ZNF274: variants seen among roughly 807,000 people sequenced by gnomAD.
ZNF274 encodes the protein neurotrophin receptor-interacting factor homolog.
In ZNF274, 23 loss-of-function variants were observed where a neutral mutation model predicts 42.5. The ratio of observed to expected loss-of-function variants is 0.54; its 90% CI spans 0.39 to 0.77. The LOEUF is 0.77. ZNF274 is among the 30% of genes least tolerant of loss of function. The pLI is 0.00. For synonymous variants in ZNF274, 292 were observed against 305.4 expected (o/e 0.96, Z 0.46); for missense variants, 679 against 806.5 (o/e 0.84, Z 1.91).
At chr19:58,203,017 T>G (rs2075932528) in intron 4 of ZNF274, among the ~76,000 whole-genome samples, 1 of 152,170 alleles carries the variant, frequency 6.6e-6, no homozygotes, top group African/African-American at 2.4e-5. Flanking sequence ...CAACAGTTGT[T>G]TTCCTAGGGG....
chr19:58,187,085 C>A, intron 4 of ZNF274, 43 bp downstream of exon 4: 1 of 1,516,102 alleles, frequency 6.6e-7, no homozygotes, highest in Non-Finnish European at 9.1e-7. Context: ...AAGGGGCCAA[C>A]TGATGAGTCA....
chr19:58,191,662 G>A (rs2075780135), intron 4 of ZNF274, among the ~76,000 whole-genome samples: 1 of 152,230 alleles, frequency 6.6e-6, no homozygotes, highest in Non-Finnish European at 1.5e-5. Flanking sequence ...CAGATTCAGG[G>A]TGGTGTCCCA....
intron 2 of ZNF274, chr19:58,184,321 C>G (rs1158369639): frequency 2.4e-5 from 6 of 251,932 alleles, no homozygotes; most frequent in Non-Finnish European, 4.7e-5. Context: ...ATGGAGTCTC[C>G]CTCTGTCGCC....
rs775742516 is a variant in ZNF274, at chr19:58,206,944, C to T, written c.481C>T (p.Arg161Cys). The T allele has an allele frequency of 1.1e-5, 17 of 1,611,524 alleles. No homozygotes were observed. Among genetic ancestry groups the T allele is most frequent in the East Asian group, 2.2e-5 (1 of 44,834 alleles). Residue 161 changes from arginine to cysteine, a missense_variant, in exon 5 of 8, where the codon CGC (arginine) becomes TGC (cysteine). Physicochemically the swap from Arg to Cys is radical, Grantham distance 180. Around this residue, in one of 2 missense-constraint regions of ZNF274, gnomAD observed 223 missense variants for 216.4 expected, o/e 1.03. Transcript: ENST00000617501. ...GKHPGDPEAA[R>C]QRFRQFRYKD... ...GCATCCAGGTGACCCTGAGGCCGCG[C>T]GCCAGAGGTTCCGGCAGTTCCGTTA...
At chr19:58,186,912 A>G (rs2075706754) in intron 3 of ZNF274, 35 bp from the exon 4 acceptor site, 1 of 1,575,682 alleles carries the variant, frequency 6.3e-7, no homozygotes, top group Non-Finnish European at 8.7e-7. Flanking sequence ...CTGAACACAG[A>G]CCCCCACAAG....
At position 58,188,260 on chromosome 19, in the gene ZNF274, C is replaced by T. The variant is rs565988147; in HGVS notation, c.256+1218C>T. 3.3e-5 allele frequency among the ~76,000 whole-genome samples: 5 copies of T among 151,972 alleles called. No individual in the cohort carries two copies. In the South Asian group the frequency reaches 1.0e-3, roughly 32 times the overall value. On this transcript the variant is annotated intron_variant, in intron 4 of 7. Transcript: ENST00000617501. ...TCCTTTAAGGCCAGGCACAGTGGCT[C>T]ACACCTGTAATCCCAGCACTTTGGG...
chr19:58,203,579 C>CAAA (rs34444681), intron 4 of ZNF274, among the ~76,000 whole-genome samples: 7 of 80,276 alleles, frequency 8.7e-5, no homozygotes, highest in African/African-American at 3.0e-4. Context: ...AACTCCGTCT[C>CAAA]AAAAAAAAAA....
In ZNF274 at chr19:58,206,973, G is replaced by C; in HGVS notation, c.510G>C (p.Lys170Asn). Residue 170 changes from lysine (K) to asparagine (N), a missense_variant, in exon 5 of 8, where the codon AAG becomes AAC. Around this residue, in one of 2 missense-constraint regions of ZNF274, gnomAD observed 223 missense variants for 216.4 expected, o/e 1.03. Transcript: ENST00000617501. ...AGAGGTTCCGGCAGTTCCGTTATAA[G>C]GACATGACAGGTCCCCGGGAGGCCC... ...ARQRFRQFRY[K>N]DMTGPREALD... is the part of the protein sequence containing the mutation. 1 of 1,609,892 alleles carries C rather than the reference G, an allele frequency of 6.2e-7. No homozygotes were observed.
At chr19:58,188,658 ATGTG>A (rs200982136) in intron 4 of ZNF274, among the ~76,000 whole-genome samples, 17 of 102,914 alleles carry the variant, frequency 1.7e-4, no homozygotes, top group African/African-American at 4.5e-4. Context: ...TAAAAAATAG[ATGTG>A]TGTGTGTGTG....
intron 4 of ZNF274, 119 bp from the exon 5 acceptor site, chr19:58,206,601 T>C: frequency 8.6e-7 from 1 of 1,159,194 alleles, no homozygotes; most frequent in Non-Finnish European, 1.2e-6. Context: ...ACAGCCATGC[T>C]AGTGGGTTTG....
chr19:58,213,372 T>G lies in ZNF274; in HGVS notation c.*229T>G. The G allele has an allele frequency of 2.0e-6, 1 of 490,080 alleles. No homozygotes were observed. Among genetic ancestry groups the G allele is most frequent in the Non-Finnish European group, 3.5e-6 (1 of 288,206 alleles). The allele number at this position is 490,080 out of a possible 1,614,324, so 30.4% of individuals were successfully genotyped here. ...AAAAAGATTTCCCATTCACTTGATA[T>G]TGTTTGTTCACTCATTTAGTCATTA... On this transcript the variant is annotated 3_prime_UTR_variant, in exon 8 of 8. Coordinates refer to ENST00000617501, the MANE Select transcript of ZNF274 (RefSeq NM_133502.3).
At chr19:58,192,055 T>G (rs1380673120) in intron 4 of ZNF274, among the ~76,000 whole-genome samples, 1 of 152,182 alleles carries the variant, frequency 6.6e-6, no homozygotes, top group Non-Finnish European at 1.5e-5. Flanking sequence ...CAGGGGACAC[T>G]GCAGGGGTGA....
chr19:58,209,877 C>T (rs1278241806), intron 5 of ZNF274, 84 bp from the exon 6 acceptor site: 1 of 848,214 alleles, frequency 1.2e-6, no homozygotes, highest in Non-Finnish European at 1.9e-6. Flanking sequence ...GTGCGGTGGC[C>T]CCATGGGTTG....
chr19:58,184,078 C>T lies in ZNF274; in HGVS notation c.33+80C>T, dbSNP rs1163950964. ...GGATGGTGGTGAGATACCACCTTCC[C>T]TGAGATACCCCCATCCTCCAGAGCA... On this transcript the variant is annotated intron_variant, in intron 2 of 7. Transcript: ENST00000617501. The T allele has an allele frequency of 2.7e-6, 4 of 1,466,888 alleles. No homozygotes were observed. The East Asian group carries it at 9.8e-5, about 36-fold the overall frequency. The allele number at this position is 1,466,888 out of a possible 1,614,324, so 90.9% of individuals were successfully genotyped here.
intron 4 of ZNF274, among the ~76,000 whole-genome samples, chr19:58,194,493 C>T (rs2075816743): frequency 6.7e-6 from 1 of 148,520 alleles, no homozygotes; most frequent in Non-Finnish European, 1.5e-5. Context: ...ATTCTCCTGC[C>T]TCAGCCTTCT....
intron 4 of ZNF274, among the ~76,000 whole-genome samples, chr19:58,193,618 C>T (rs927524461): frequency 6.6e-6 from 1 of 151,786 alleles, no homozygotes. Context: ...ATGTGTCCAT[C>T]GCTTCTTTTA....
At chr19:58,198,986 G>A (rs557858664) in intron 4 of ZNF274, among the ~76,000 whole-genome samples, 16 of 151,848 alleles carry the variant, frequency 1.1e-4, no homozygotes, top group African/African-American at 2.4e-4. Context: ...AGACCACCCC[G>A]GGCAGCATAG....
chr19:58,203,890 T>G (rs775336731), intron 4 of ZNF274, among the ~76,000 whole-genome samples: 2 of 152,158 alleles, frequency 1.3e-5, no homozygotes, highest in Non-Finnish European at 2.9e-5. Context: ...AAAGCGTGGC[T>G]CAGGTCGTGA....
rs757508796 is a variant in ZNF274, at chr19:58,184,013, C to A, written c.33+15C>A. On this transcript the variant is annotated intron_variant, in intron 2 of 7. Coordinates refer to ENST00000617501, the MANE Select transcript of ZNF274 (RefSeq NM_133502.3). ...CCTGGTCCTGTGTGAGTAGAGGCTT[C>A]CTTCAGCTTTTGAGTCCGCTACTGC... is the stretch of plus-strand genomic sequence containing the variant. 6.3e-7 allele frequency: 1 copy of A among 1,587,876 alleles called. No homozygotes were observed. The highest frequency in any genetic ancestry group is 1.1e-5 in the South Asian group (1 of 87,168).
Sources: allele counts gnomAD v4.1 joint callset (sites outside exome capture counted in the v4.1 genomes callset), GRCh38; gene constraint gnomAD v4.1.1; regional missense constraint gnomAD v4.1.1; transcripts MANE v1.5; gene names NCBI Gene and HGNC (gene_info 2026-07-23, HGNC 2026-07-21).